The following PEBP1 variants were observed in gnomAD, a reference collection of about 807,000 sequenced individuals.
PEBP1 encodes phosphatidylethanolamine-binding protein 1.
PEBP1 carries 17 observed loss-of-function variants against 22.7 expected under a neutral mutation model. The ratio of observed to expected loss-of-function variants is 0.75; its 90% CI spans 0.51 to 1.12. The LOEUF is 1.12. Ranked by LOEUF, PEBP1 falls within the 50% of genes most tolerant of loss-of-function variation. The pLI, the probability that PEBP1 is intolerant of heterozygous loss-of-function variation, is 0.00. For missense variants in PEBP1, 205 were observed against 243.5 expected (o/e 0.84, Z 1.05); for synonymous variants, 106 against 104.3 (o/e 1.02, Z -0.10).
At chr12:118,137,887 G>T in intron 1 of PEBP1, 152 bp from the exon 2 acceptor site, 1 of 589,268 alleles carries the variant, frequency 1.7e-6, no homozygotes, top group Non-Finnish European at 3.1e-6. Flanking sequence ...AGGTTTCACC[G>T]TGTTGGCCAG....
intron 3 of PEBP1, among the ~76,000 whole-genome samples, chr12:118,140,633 G>C (rs986244693): frequency 6.6e-6 from 1 of 151,534 alleles, no homozygotes; most frequent in African/African-American, 2.4e-5. Flanking sequence ...CCACCTCCCC[G>C]GTTCATGCCA....
chr12:118,140,397 C>G (rs2034103766), intron 3 of PEBP1, among the ~76,000 whole-genome samples: 1 of 152,182 alleles, frequency 6.6e-6, no homozygotes, highest in East Asian at 1.9e-4. Flanking sequence ...CCTTTAAACC[C>G]TCTCACGCAT....
At chr12:118,142,826 CTTTTTTTT>C (rs374392598) in intron 3 of PEBP1, among the ~76,000 whole-genome samples, 2 of 93,638 alleles carry the variant, frequency 2.1e-5, no homozygotes, top group South Asian at 4.3e-4. Flanking sequence ...ACTACATTCA[CTTTTTTTT>C]TTTTTTTTTT....
At chr12:118,137,108 C>T (rs997588928) in intron 1 of PEBP1, among the ~76,000 whole-genome samples, 30 of 152,178 alleles carry the variant, frequency 2.0e-4, no homozygotes, top group African/African-American at 7.0e-4. Flanking sequence ...TCCCTGCCCG[C>T]CTCTCATCAC....
chr12:118,138,636 T>C (rs1450856737), intron 2 of PEBP1, among the ~76,000 whole-genome samples: 1 of 152,106 alleles, frequency 6.6e-6, no homozygotes, highest in Admixed American at 6.6e-5. Flanking sequence ...CCTCAGGTGA[T>C]CTGCCCGCCT....
chr12:118,144,936 G>A lies in PEBP1; in HGVS notation c.*133G>A, dbSNP rs1347948598. ...GTGAGACCTGACCAGTCAGATGGTA[G>A]TTGAGGGTGACTTTTCCTGCTGCCT... is the stretch of plus-strand genomic sequence containing the variant. On this transcript the variant is annotated 3_prime_UTR_variant, in exon 4 of 4. Transcript: ENST00000261313. 6.5e-7 allele frequency: 1 copy of A among 1,549,766 alleles called. No individual in the cohort carries two copies. Among genetic ancestry groups the A allele is most frequent in the East Asian group, 2.4e-5 (1 of 42,284 alleles).
In PEBP1 at chr12:118,136,195, C is replaced by G; in HGVS notation, c.-15C>G. The G allele has an allele frequency of 6.5e-7, 1 of 1,543,648 alleles. No homozygotes were observed. The highest frequency in any genetic ancestry group is 8.7e-7 in the Non-Finnish European group (1 of 1,146,344). On this transcript the variant is annotated 5_prime_UTR_variant, in exon 1 of 4. Coordinates refer to ENST00000261313, the MANE Select transcript of PEBP1 (RefSeq NM_002567.4). The surrounding 1 kb of genome is among the most constrained non-coding windows in gnomAD (Gnocchi z 5.6). ...ACCGCGGCACTCCCGGCTGCACGCTCTGCTTGGCCTCGCCATGCCGGTGGA... is the reference window on the plus strand; with the variant it reads ...ACCGCGGCACTCCCGGCTGCACGCTGTGCTTGGCCTCGCCATGCCGGTGGA...
At position 118,138,107 on chromosome 12, in the gene PEBP1, G is replaced by C; in HGVS notation, c.204G>C (p.Leu68=). ...LDSGKLYTLV[L]TDPDAPSRKD... ...CAGGGAAGCTCTACACCTTGGTCCT[G>C]ACAGACCCGGATGCTCCCAGCAGGA... Residue 68 remains leucine, a synonymous_variant, in exon 2 of 4, where the codon CTG becomes CTC. Transcript: ENST00000261313. The C allele has an allele frequency of 1.2e-6, 2 of 1,613,816 alleles. No homozygotes were observed. Among genetic ancestry groups the C allele is most frequent in the Non-Finnish European group, 1.7e-6 (2 of 1,179,840 alleles).
chr12:118,142,012 G>A (rs554498347), intron 3 of PEBP1, among the ~76,000 whole-genome samples: 36 of 151,810 alleles, frequency 2.4e-4, no homozygotes, highest in Non-Finnish European at 4.7e-4. Flanking sequence ...GGACTATTTA[G>A]CTTTGAAAAG....
Position 118,145,126 on chromosome 12 carries a change from A to G in PEBP1, c.*323A>G. 3 of 553,396 alleles carry G rather than the reference A, an allele frequency of 5.4e-6. No individual in the cohort carries two copies. Among genetic ancestry groups the G allele is most frequent in the South Asian group, 5.3e-5 (3 of 56,668 alleles). The allele number at this position is 553,396 out of a possible 1,614,324, so 34.3% of individuals were successfully genotyped here. The stretch of plus-strand genomic sequence containing the variant: ...AACTGGGGGGAAAAAGACCAGGTCT[A>G]CAGTGATAGAGCAAAGCATCAAAGA... On this transcript the variant is annotated 3_prime_UTR_variant, in exon 4 of 4. Coordinates refer to ENST00000261313, the MANE Select transcript of PEBP1 (RefSeq NM_002567.4).
At chr12:118,142,485 G>A (rs916604335) in intron 3 of PEBP1, among the ~76,000 whole-genome samples, 6 of 151,202 alleles carry the variant, frequency 4.0e-5, no homozygotes, top group African/African-American at 1.5e-4. Context: ...GAGCCACCAT[G>A]CCTGGCAAAA....
chr12:118,143,772 G>A (rs1299063133), intron 3 of PEBP1, among the ~76,000 whole-genome samples: 3 of 151,882 alleles, frequency 2.0e-5, no homozygotes, highest in African/African-American at 7.3e-5. Context: ...GGGCGTGGTG[G>A]CACGTACCTG....
chr12:118,143,905 C>CA (rs5801270), intron 3 of PEBP1, among the ~76,000 whole-genome samples: 56,889 of 111,780 alleles, frequency 0.51, 12,854 homozygotes, highest in Non-Finnish European at 0.57. Flanking sequence ...GACTCCGTCT[C>CA]AAAAAAAAAA....
At chr12:118,141,397 G>A (rs917842179) in intron 3 of PEBP1, among the ~76,000 whole-genome samples, 2 of 152,216 alleles carry the variant, frequency 1.3e-5, no homozygotes, top group Non-Finnish European at 2.9e-5. Context: ...TTACAGGCGT[G>A]AGCCACTGTG....
intron 3 of PEBP1, 52 bp from the exon 4 acceptor site, chr12:118,144,534 C>T: frequency 3.3e-6 from 5 of 1,519,280 alleles, no homozygotes; most frequent in East Asian, 2.4e-5. Flanking sequence ...GATGATGTCC[C>T]CATCTCAAGT....
intron 3 of PEBP1, among the ~76,000 whole-genome samples, chr12:118,144,071 G>A (rs2034135767): frequency 6.6e-6 from 1 of 152,168 alleles, no homozygotes; most frequent in South Asian, 2.1e-4. Flanking sequence ...GAGGTAGAAA[G>A]AAAATGTTCT....
intron 1 of PEBP1, 152 bp from the exon 2 acceptor site, chr12:118,137,887 G>A (rs547924287): frequency 4.5e-4 from 265 of 589,266 alleles, no homozygotes; most frequent in African/African-American, 4.4e-3. Context: ...AGGTTTCACC[G>A]TGTTGGCCAG....
chr12:118,137,423 G>T (rs1429210048), intron 1 of PEBP1, among the ~76,000 whole-genome samples: 1 of 152,112 alleles, frequency 6.6e-6, no homozygotes, highest in Admixed American at 6.5e-5. Flanking sequence ...GATGGTGTGA[G>T]CATGTAGTTC....
At chr12:118,144,338 C>T (rs541621600) in intron 3 of PEBP1, among the ~76,000 whole-genome samples, 1 of 152,250 alleles carries the variant, frequency 6.6e-6, no homozygotes, top group African/African-American at 2.4e-5. Context: ...TTGGGCTTGA[C>T]ACCAGTTACA....
Sources: gnomAD v4.1 joint callset for allele counts (sites outside exome capture counted in the v4.1 genomes callset) on GRCh38, gnomAD v4.1.1 for gene constraint, Gnocchi (gnomAD v3.1) non-coding constraint, MANE v1.5 for transcripts, NCBI Gene and HGNC (gene_info 2026-07-23, HGNC 2026-07-21) for gene names.